ANKRD11: variants seen among roughly 807,000 people sequenced by gnomAD.
ANKRD11 encodes ankyrin repeat domain 11, also known as ankyrin repeat domain-containing protein 11.
A neutral mutation model predicts 195.7 loss-of-function variants in ANKRD11; 17 were observed. That is an observed-to-expected ratio of 0.09 (90% CI 0.06 to 0.13). The LOEUF (loss-of-function observed/expected upper bound fraction) is 0.13. Among genes scored for constraint, ANKRD11 ranks in the 10% least tolerant of loss-of-function variants. ANKRD11 has a pLI of 1.00. For synonymous variants in ANKRD11, 1,953 were observed against 1,528.1 expected (o/e 1.28, Z -6.49); for missense variants, 3,735 against 3,566.1 (o/e 1.05, Z -1.21).
chr16:89,427,707 G>A (rs560492200), intron 1 of ANKRD11, among the ~76,000 whole-genome samples: 1 of 152,058 alleles, frequency 6.6e-6, no homozygotes, highest in African/African-American at 2.4e-5. Context: ...GCTGAGGCAG[G>A]AGAACTGCTT....
chr16:89,273,842 G>C (rs2033399368), intron 11 of ANKRD11, among the ~76,000 whole-genome samples: 2 of 152,206 alleles, frequency 1.3e-5, no homozygotes, highest in South Asian at 2.1e-4. Flanking sequence ...ACACAGCAAA[G>C]CCTAGTGCAC....
chr16:89,288,904 G>A (rs2034838518), intron 6 of ANKRD11: 1 of 612,466 alleles, frequency 1.6e-6, no homozygotes, highest in East Asian at 2.8e-5. Context: ...CCTACGGACT[G>A]ACAACCTGCA....
At chr16:89,414,117 C>T (rs1248408878) in intron 2 of ANKRD11, among the ~76,000 whole-genome samples, 1 of 152,188 alleles carries the variant, frequency 6.6e-6, no homozygotes, top group Non-Finnish European at 1.5e-5. Flanking sequence ...CTGAGGCGCA[C>T]GATCGCACCT....
chr16:89,434,674 C>T lies in ANKRD11; in HGVS notation c.-144-16306G>A, dbSNP rs771683260. Among the ~76,000 whole-genome samples, 5 of 152,184 alleles carry T rather than the reference C, an allele frequency of 3.3e-5. No homozygotes were observed. The East Asian group carries it at 7.7e-4, about 23-fold the overall frequency. ...AAAATCTGCTCTTATTAAAGAGTGG[C>T]GTGTGGGATGGGCAGAGACTCACAC... On this transcript the variant is annotated intron_variant, in intron 1 of 12. Coordinates refer to ENST00000301030, the MANE Select transcript of ANKRD11 (RefSeq NM_013275.6).
Position 89,281,341 on chromosome 16 carries a change from T to A in ANKRD11, c.5201A>T (p.Asp1734Val). The change falls in exon 9 of 13, where the codon GAC (aspartate) becomes GTC (valine). Residue 1734 changes from aspartate (D) to valine (V), a missense_variant. Asp to Val is a radical substitution (Grantham distance 152). Transcript: ENST00000301030. This position sits in a 1 kb window ranked among gnomAD's most constrained non-coding sequence, Gnocchi z 5.5. Reference sequence around the variant, plus strand: ...CGAGTCGGCGCAGTCGAACACGAGGTCCGCGTAGTCATCGGCGCTGCAGGA... The same window carrying A: ...CGAGTCGGCGCAGTCGAACACGAGGACCGCGTAGTCATCGGCGCTGCAGGA... ...TPSCSADDYA[D>V]LVFDCADSQH... The A allele has an allele frequency of 6.2e-7, 1 of 1,612,624 alleles. No individual in the cohort carries two copies. Among genetic ancestry groups the A allele is most frequent in the Non-Finnish European group, 8.5e-7 (1 of 1,178,898 alleles).
rs34799616 is a variant in ANKRD11 at position 89,338,726 on chromosome 16, C to CAAAA, written c.-59-21652_-59-21649dup. ...GGCAGCAAAGAGCAACACTCAGTCT[C>CAAAA]AAAAAAAAAAAAAAAAAAAAAAAAG... On this transcript the variant is annotated intron_variant, in intron 2 of 12. Transcript: ENST00000301030. 6.9e-3 allele frequency among the ~76,000 whole-genome samples: 297 copies of CAAAA among 42,808 alleles called. 2 individuals carry two copies. Among genetic ancestry groups the CAAAA allele is most frequent in the Middle Eastern group, 0.016 (1 of 62 alleles). 28.1% of individuals were successfully genotyped at this position (42,808 alleles called of 152,430 possible). A position where few individuals can be genotyped will look rare whatever the true frequency, so the allele number is the denominator to read the frequency against.
At chr16:89,388,825 G>C (rs1376066235) in intron 2 of ANKRD11, among the ~76,000 whole-genome samples, 1 of 152,182 alleles carries the variant, frequency 6.6e-6, no homozygotes, top group South Asian at 2.1e-4. Flanking sequence ...GCCACAGCCC[G>C]GGGAATGATG....
intron 2 of ANKRD11, among the ~76,000 whole-genome samples, chr16:89,402,192 G>T (rs1328491452): frequency 2.0e-5 from 3 of 152,288 alleles, no homozygotes; most frequent in Non-Finnish European, 2.9e-5. Flanking sequence ...TTCACTGCAT[G>T]AAAGCACAGC....
At position 89,490,432 on chromosome 16, in the gene ANKRD11, C is replaced by T. The variant is rs1433442150; in HGVS notation, c.-332G>A. On this transcript the variant is annotated 5_prime_UTR_variant, in exon 1 of 13. Coordinates refer to ENST00000301030, the MANE Select transcript of ANKRD11 (RefSeq NM_013275.6). ...AGGCGAGCCCGCCCCTCGGGCGCGC[C>T]CACGGCTCGGGCGAGAGCCGCGGCT... 6.0e-6 allele frequency: 2 copies of T among 330,968 alleles called. No individual in the cohort carries two copies. The highest frequency in any genetic ancestry group is 1.1e-5 in the Non-Finnish European group (2 of 182,390). The allele number at this position is 330,968 out of a possible 1,614,324, so 20.5% of individuals were successfully genotyped here. A position where few individuals can be genotyped will look rare whatever the true frequency, so the allele number is the denominator to read the frequency against.
intron 2 of ANKRD11, among the ~76,000 whole-genome samples, chr16:89,365,426 C>A (rs2039903043): frequency 6.6e-6 from 1 of 152,194 alleles, no homozygotes; most frequent in Non-Finnish European, 1.5e-5. Context: ...GCCACTGAGC[C>A]CAACCAGGGT....
Position 89,284,584 on chromosome 16 carries a change from T to A in ANKRD11, c.1958A>T (p.Lys653Met). ...ATATTCGTAAGTAAAACTTTTCAAC[T>A]TCAGCTCTTGGCTGATGGAACACTG... ...KGQCSISQEL[K>M]LKSFTYEYED... The change falls in exon 9 of 13, where the codon AAG becomes ATG. Residue 653 changes from lysine to methionine, a missense_variant. Physicochemically the swap from Lys to Met is moderately conservative, Grantham distance 95. Transcript: ENST00000301030. The A allele has an allele frequency of 6.2e-7, 1 of 1,614,214 alleles. No individual in the cohort carries two copies. Among genetic ancestry groups the A allele is most frequent in the Middle Eastern group, 1.6e-4 (1 of 6,062 alleles).
At chr16:89,367,762 C>T (rs1407900333) in intron 2 of ANKRD11, among the ~76,000 whole-genome samples, 1 of 152,238 alleles carries the variant, frequency 6.6e-6, no homozygotes, top group East Asian at 1.9e-4. Context: ...GCTGCATGTC[C>T]ACCTGCTGCT....
chr16:89,275,231 G>A, intron 9 of ANKRD11, 40 bp from the exon 10 acceptor site: 1 of 1,535,234 alleles, frequency 6.5e-7, no homozygotes, highest in Non-Finnish European at 8.9e-7. Context: ...AGCTGGGGCT[G>A]TGGAACTGCA....
chr16:89,288,860 C>G, intron 6 of ANKRD11, 190 bp from the exon 7 acceptor site: 1 of 714,172 alleles, frequency 1.4e-6, no homozygotes, highest in Non-Finnish European at 2.4e-6. Flanking sequence ...TACTGTGGCA[C>G]CTCGTTAGCA....
chr16:89,477,819 A>G (rs951095981), intron 1 of ANKRD11, among the ~76,000 whole-genome samples: 1 of 151,856 alleles, frequency 6.6e-6, no homozygotes, highest in Non-Finnish European at 1.5e-5. Flanking sequence ...TAAAAATTCA[A>G]AAATCAGCCA....
rs377155439 is a variant in ANKRD11 at position 89,280,154 on chromosome 16, C to T, written c.6388G>A (p.Asp2130Asn). 23 of 1,610,812 alleles carry T rather than the reference C, an allele frequency of 1.4e-5. No homozygotes were observed. Among genetic ancestry groups the T allele is most frequent in the Non-Finnish European group, 2.0e-5 (23 of 1,179,150 alleles). Residue 2130 changes from aspartate to asparagine, a missense_variant, in exon 9 of 13, where the codon GAC becomes AAC. Physicochemically the swap from Asp to Asn is conservative, Grantham distance 23. Transcript: ENST00000301030. The stretch of plus-strand genomic sequence containing the variant: ...AGGGAGAAGGGCCCCAGGTCCAGGT[C>T]GTCCTCGGGGCCGGCGAAGGCGTCC... ...WADAFAGPED[D>N]LDLGPFSLPE...
intron 3 of ANKRD11, among the ~76,000 whole-genome samples, chr16:89,314,538 G>A (rs545996111): frequency 1.2e-3 from 187 of 152,216 alleles, no homozygotes; most frequent in Admixed American, 2.0e-3. Context: ...TGGCTCTTCC[G>A]GCCTTTCTCG....
chr16:89,357,205 G>A (rs1229017048), intron 2 of ANKRD11, among the ~76,000 whole-genome samples: 1 of 152,182 alleles, frequency 6.6e-6, no homozygotes, highest in Non-Finnish European at 1.5e-5. Context: ...GAGTGGGGTT[G>A]GGGGCGGGGT....
At chr16:89,317,819 C>T (rs1382639721) in intron 2 of ANKRD11, among the ~76,000 whole-genome samples, 3 of 151,950 alleles carry the variant, frequency 2.0e-5, no homozygotes, top group Admixed American at 2.0e-4. Context: ...AGTTTCTGGC[C>T]AGGGAGAGAC....
Sources: gnomAD v4.1 joint callset for allele counts (sites outside exome capture counted in the v4.1 genomes callset) on GRCh38, gnomAD v4.1.1 for gene constraint, Gnocchi (gnomAD v3.1) non-coding constraint, MANE v1.5 for transcripts, NCBI Gene and HGNC (gene_info 2026-07-23, HGNC 2026-07-21) for gene names.